The following PPARGC1A variants were observed in gnomAD, a reference collection of about 807,000 sequenced individuals.
PPARGC1A encodes PPARG coactivator 1 alpha, also known as peroxisome proliferator-activated receptor gamma coactivator 1-alpha.
In PPARGC1A, 25 loss-of-function variants were observed where a neutral mutation model predicts 88.7. That is an observed-to-expected ratio of 0.28 (90% confidence interval 0.21 to 0.39). The LOEUF is 0.39. PPARGC1A is among the 10% of genes least tolerant of loss of function. The probability of loss-of-function intolerance (pLI) is 1.00; values close to 1 mark genes in which losing one functional copy is unlikely to be tolerated. For missense variants in PPARGC1A, 880 were observed against 968.7 expected (o/e 0.91, Z 1.22); for synonymous variants, 363 against 355.6 (o/e 1.02, Z -0.24).
chr4:24,255,899 G>A, the PPARGC1A span, among the ~76,000 whole-genome samples: 1 of 152,124 alleles, frequency 6.6e-6, no homozygotes, highest in Non-Finnish European at 1.5e-5. Context: ...AGGGTTGTTG[G>A]GTGAATGAGT....
At chr4:24,331,721 A>G in the PPARGC1A span, among the ~76,000 whole-genome samples, 3 of 151,808 alleles carry the variant, frequency 2.0e-5, no homozygotes, top group African/African-American at 7.3e-5. Context: ...TCCACTTCTC[A>G]TGCAGAAAGA....
the PPARGC1A span, among the ~76,000 whole-genome samples, chr4:24,206,269 G>A: frequency 0.01 from 1,548 of 152,268 alleles, 27 homozygotes; most frequent in African/African-American, 0.036. Context: ...ACAAGTACCC[G>A]GACCAGAGCC....
chr4:24,365,268 A>T, the PPARGC1A span, among the ~76,000 whole-genome samples: 1 of 152,242 alleles, frequency 6.6e-6, no homozygotes, highest in East Asian at 1.9e-4. Flanking sequence ...TTATTTAAAA[A>T]TATGTTCCCA....
At chr4:23,913,303 GAGAGAA>G in the PPARGC1A span, among the ~76,000 whole-genome samples, 3 of 136,604 alleles carry the variant, frequency 2.2e-5, no homozygotes, top group African/African-American at 5.4e-5. Context: ...GAGAGAGAGA[GAGAGAA>G]AGAGAAAATC....
At chr4:23,906,519 A>G (rs1214125680), upstream of PPARGC1A, among the ~76,000 whole-genome samples, 1 of 149,134 alleles carries the variant, frequency 6.7e-6, no homozygotes, top group East Asian at 2.0e-4. Flanking sequence ...AGACTGAGGC[A>G]GGAGAAGAAC....
At chr4:24,470,813 CT>C in the PPARGC1A span, among the ~76,000 whole-genome samples, 1 of 151,710 alleles carries the variant, frequency 6.6e-6, no homozygotes, top group African/African-American at 2.4e-5. This position sits in a 1 kb window ranked among gnomAD's most constrained non-coding sequence, Gnocchi z 5.8. Flanking sequence ...CCGGGCGGCC[CT>C]TATGTATTAT....
chr4:24,163,397 C>G, the PPARGC1A span, among the ~76,000 whole-genome samples: 1 of 151,954 alleles, frequency 6.6e-6, no homozygotes, highest in South Asian at 2.1e-4. Context: ...ACAGCCCTGT[C>G]GGGGTTCACC....
At chr4:24,144,445 C>T in the PPARGC1A span, among the ~76,000 whole-genome samples, 1 of 151,854 alleles carries the variant, frequency 6.6e-6, no homozygotes, top group African/African-American at 2.4e-5. Flanking sequence ...CCAGGAGAAG[C>T]GATGCTGGAG....
At chr4:24,370,621 A>C in the PPARGC1A span, among the ~76,000 whole-genome samples, 4 of 152,128 alleles carry the variant, frequency 2.6e-5, no homozygotes, top group South Asian at 8.3e-4. Flanking sequence ...CTCTGGCCCA[A>C]GGCCAGCCAC....
the PPARGC1A span, among the ~76,000 whole-genome samples, chr4:24,330,308 G>T: frequency 3.0e-3 from 464 of 152,272 alleles, 6 homozygotes; most frequent in African/African-American, 0.011. Flanking sequence ...GGTCACTCTG[G>T]GGGAAGACTG....
chr4:23,925,286 G>C, the PPARGC1A span, among the ~76,000 whole-genome samples: 1 of 152,124 alleles, frequency 6.6e-6, no homozygotes, highest in African/African-American at 2.4e-5. Context: ...AAAATGAATA[G>C]GTGAATAAAT....
the PPARGC1A span, among the ~76,000 whole-genome samples, chr4:24,118,364 A>G: frequency 6.6e-6 from 1 of 152,096 alleles, no homozygotes; most frequent in Non-Finnish European, 1.5e-5. Context: ...AAAAAAACCC[A>G]AACGTTAGAA....
At chr4:24,173,338 CAAAAAAAA>C in the PPARGC1A span, among the ~76,000 whole-genome samples, 1 of 117,592 alleles carries the variant, frequency 8.5e-6, no homozygotes. Context: ...CTTTCCCCAC[CAAAAAAAA>C]AAAAAAAAAA....
chr4:24,030,228 A>G, the PPARGC1A span, among the ~76,000 whole-genome samples: 1 of 152,236 alleles, frequency 6.6e-6, no homozygotes, highest in African/African-American at 2.4e-5. Context: ...TTTGATTTCA[A>G]CGAGGGTTGC....
chr4:24,027,187 C>A, the PPARGC1A span, among the ~76,000 whole-genome samples: 2 of 108,544 alleles, frequency 1.8e-5, no homozygotes, highest in Non-Finnish European at 4.4e-5. Flanking sequence ...GCACACCTGA[C>A]CTCAGGCTAG....
the PPARGC1A span, among the ~76,000 whole-genome samples, chr4:24,077,545 G>GT: frequency 0.012 from 1,745 of 143,916 alleles, 14 homozygotes; most frequent in South Asian, 0.026. Flanking sequence ...CATAGGAACT[G>GT]TTTTTTTTTT....
chr4:23,879,190 TC>T (rs1172635611), intron 2 of PPARGC1A, among the ~76,000 whole-genome samples: 1 of 152,234 alleles, frequency 6.6e-6, no homozygotes, highest in Non-Finnish European at 1.5e-5. Context: ...ATACATGCAT[TC>T]TTTTTTTCTT....
upstream of PPARGC1A, among the ~76,000 whole-genome samples, chr4:23,900,987 G>A (rs1719267164): frequency 1.3e-5 from 2 of 152,344 alleles, no homozygotes; most frequent in South Asian, 4.1e-4. Context: ...CACTTTGGGA[G>A]GCTGACGTGG....
the PPARGC1A span, among the ~76,000 whole-genome samples, chr4:24,452,260 C>T: frequency 7.1e-6 from 1 of 140,470 alleles, no homozygotes; most frequent in Non-Finnish European, 1.6e-5. Context: ...CCCCCCCACA[C>T]ACAAACACAC....
Sources: allele counts gnomAD v4.1 joint callset (sites outside exome capture counted in the v4.1 genomes callset), GRCh38; gene constraint gnomAD v4.1.1; non-coding constraint Gnocchi (gnomAD v3.1); transcripts MANE v1.5; gene names NCBI Gene and HGNC (gene_info 2026-07-23, HGNC 2026-07-21).